ZNF536: variants seen among roughly 807,000 people sequenced by gnomAD.
ZNF536 encodes the protein zinc finger protein 536.
ZNF536 carries 13 observed loss-of-function variants against 84.5 expected under a neutral mutation model. That is an observed-to-expected ratio of 0.15 (90% confidence interval 0.10 to 0.24). The LOEUF (loss-of-function observed/expected upper bound fraction) is 0.24. Among genes scored for constraint, ZNF536 ranks in the 10% least tolerant of loss-of-function variants. The pLI, the probability that ZNF536 is intolerant of heterozygous loss-of-function variation, is 1.00. For missense variants in ZNF536, 1,536 were observed against 1,747.5 expected, an observed-to-expected ratio of 0.88 and a Z score of 2.16; for synonymous variants, 811 against 742.5, an observed-to-expected ratio of 1.09 and a Z score of -1.50.
intron 1 of ZNF536, among the ~76,000 whole-genome samples, chr19:30,597,345 A>C (rs919706096): frequency 1.3e-5 from 2 of 152,256 alleles, no homozygotes; most frequent in Non-Finnish European, 2.9e-5. Flanking sequence ...GCAAACAGAC[A>C]GATGGCCTGA....
Position 30,597,424 on chromosome 19 carries a change from G to A in ZNF536, c.169+47910G>A, listed in dbSNP as rs545792807. Among the ~76,000 whole-genome samples the A allele has an allele frequency of 1.2e-4, 19 of 152,340 alleles. No individual in the cohort carries two copies. In the South Asian group the frequency reaches 3.3e-3, roughly 27 times the overall value. On this transcript the variant is annotated intron_variant, in intron 1 of 1. Coordinates refer to the ZNF536 transcript ENST00000592773. ...AGCACCCACCTGGCAGGGTTAGCCC[G>A]AGAAGTGAATGGGCTTCTATGGGCT...
At position 30,548,979 on chromosome 19, in the gene ZNF536, C is replaced by T. The variant is rs1458943630; in HGVS notation, c.3360C>T (p.Gly1120=). 1 of 1,614,142 alleles carries T rather than the reference C, an allele frequency of 6.2e-7. No individual in the cohort carries two copies. Among genetic ancestry groups the T allele is most frequent in the Admixed American group, 1.7e-5 (1 of 60,032 alleles). The change falls in exon 4 of 5, where the codon GGC becomes GGT. Residue 1120 remains glycine (G), a synonymous_variant. Coordinates refer to ENST00000355537, the MANE Select transcript of ZNF536 (RefSeq NM_014717.3). ...DFYKQFGVYP[G]MVGSGASSSC... ...ACAAGCAGTTTGGTGTTTACCCAGG[C>T]ATGGTTGGCTCAGGGGCCTCCAGTT...
At chr19:30,278,214 G>A (rs926940840) in intron 1 of ZNF536, among the ~76,000 whole-genome samples, 1 of 152,320 alleles carries the variant, frequency 6.6e-6, no homozygotes. Context: ...GGCAGAAGGC[G>A]AGAGGGGAGA....
chr19:30,590,511 T>C (rs2047240594), intron 1 of ZNF536, among the ~76,000 whole-genome samples: 1 of 152,228 alleles, frequency 6.6e-6, no homozygotes, highest in African/African-American at 2.4e-5. Flanking sequence ...AGAGCTTCTT[T>C]CTTTGTGTTT....
At chr19:30,712,340 T>G (rs1311158811) in exon 2 of ZNF536, 1 of 152,066 alleles carries the variant, frequency 6.6e-6, no homozygotes, top group Non-Finnish European at 1.5e-5. Flanking sequence ...ACATACTTCC[T>G]TTGAGTGACA....
chr19:30,595,713 A>G (rs2047439637), intron 1 of ZNF536, among the ~76,000 whole-genome samples: 1 of 152,110 alleles, frequency 6.6e-6, no homozygotes, highest in Admixed American at 6.5e-5. Flanking sequence ...CAAGACCCCA[A>G]CTCTGTAGGG....
In ZNF536 at chr19:30,513,347, C is replaced by T. The variant is rs1208491916; in HGVS notation, c.2171-21500C>T. On this transcript the variant is annotated intron_variant, in intron 2 of 4. Coordinates refer to ENST00000355537, the MANE Select transcript of ZNF536 (RefSeq NM_014717.3). ...CAGCGCCTAGGTTCTTGGAGTTGCG[C>T]TTAGGAGTCCTACATCCCAGGTGCA... 2.0e-5 allele frequency among the ~76,000 whole-genome samples: 3 copies of T among 152,136 alleles called. No homozygotes were observed. The East Asian group carries it at 5.8e-4, about 29-fold the overall frequency.
downstream of ZNF536, among the ~76,000 whole-genome samples, chr19:30,562,340 G>A (rs185945381): frequency 1.3e-4 from 20 of 152,254 alleles, no homozygotes; most frequent in East Asian, 3.7e-3. Flanking sequence ...ATTTGGGCAA[G>A]GCCATCTGCC....
intron 1 of ZNF536, among the ~76,000 whole-genome samples, chr19:30,406,615 T>C (rs1196033622): frequency 1.3e-5 from 2 of 152,110 alleles, no homozygotes; most frequent in Non-Finnish European, 1.5e-5. Context: ...CCCAGCTCTG[T>C]TTCTACACTG....
chr19:30,654,341 A>C (rs79397576), intron 1 of ZNF536, among the ~76,000 whole-genome samples: 2,897 of 152,206 alleles, frequency 0.019, 88 homozygotes, highest in African/African-American at 0.066. Context: ...TTAGTGCATG[A>C]AATCATCTGA....
chr19:30,370,820 G>A (rs746456750), upstream of ZNF536, among the ~76,000 whole-genome samples: 1 of 152,194 alleles, frequency 6.6e-6, no homozygotes. Flanking sequence ...CGTATTTTTG[G>A]AAGTGTTTGT....
intron 1 of ZNF536, among the ~76,000 whole-genome samples, chr19:30,566,509 C>T (rs749950427): frequency 1.3e-5 from 2 of 152,248 alleles, no homozygotes; most frequent in Non-Finnish European, 2.9e-5. Context: ...TTATTATTCT[C>T]ATTTTAAGTA....
chr19:30,549,580 A>G, intron 4 of ZNF536, 66 bp downstream of exon 4: 7 of 1,419,056 alleles, frequency 4.9e-6, no homozygotes, highest in Non-Finnish European at 6.5e-6. Flanking sequence ...TGTGCATTTA[A>G]AAAAATGAGG....
intron 1 of ZNF536, among the ~76,000 whole-genome samples, chr19:30,691,867 G>A (rs148203551): frequency 6.6e-6 from 1 of 152,354 alleles, no homozygotes; most frequent in Non-Finnish European, 1.5e-5. Context: ...GGATTCGGAA[G>A]CACAGAGGGA....
In ZNF536 at chr19:30,445,062, C is replaced by T. The variant is rs1368503479; in HGVS notation, c.1500C>T (p.Ser500=). 6.2e-7 allele frequency: 1 copy of T among 1,613,716 alleles called. No individual in the cohort carries two copies. Among genetic ancestry groups the T allele is most frequent in the African/African-American group, 1.3e-5 (1 of 75,076 alleles). Residue 500 remains serine (S), a synonymous_variant, in exon 2 of 5, where the codon TCC becomes TCT. Transcript: ENST00000355537. The surrounding 1 kb of genome is among the most constrained non-coding windows in gnomAD (Gnocchi z 4.5). ...GCLNLVPPLK[S]SCIERLQAAA... is the part of the protein sequence containing the mutation. ...TCAATCTCGTGCCGCCGCTGAAATC[C>T]AGCTGCATCGAGCGGCTGCAGGCGG...
chr19:30,520,975 T>C (rs1214196718), intron 2 of ZNF536, among the ~76,000 whole-genome samples: 1 of 152,238 alleles, frequency 6.6e-6, no homozygotes, highest in Non-Finnish European at 1.5e-5. Flanking sequence ...TTCCCCACTC[T>C]GCCACGCAGG....
chr19:30,406,673 G>A (rs1472480048), intron 1 of ZNF536, among the ~76,000 whole-genome samples: 1 of 152,122 alleles, frequency 6.6e-6, no homozygotes, highest in Non-Finnish European at 1.5e-5. Context: ...CAACGTGCCG[G>A]GGCTGGCACA....
intron 2 of ZNF536, among the ~76,000 whole-genome samples, chr19:30,284,561 T>A (rs2045565007): frequency 6.6e-6 from 1 of 152,194 alleles, no homozygotes; most frequent in Non-Finnish European, 1.5e-5. Flanking sequence ...CTTGGACAAA[T>A]CCTGTCCCAA....
chr19:30,359,641 G>A lies in ZNF536; in HGVS notation c.-3+7157G>A, dbSNP rs535864275. ...ACCCATCCTATCAATGTCGGCAGTG[G>A]GGATGAGGGAGGGGATGGCCAAGTT... On this transcript the variant is annotated intron_variant, in intron 3 of 5. Transcript: ENST00000585628. Among the ~76,000 whole-genome samples, 9 of 152,208 alleles carry A rather than the reference G, an allele frequency of 5.9e-5. No homozygotes were observed. In the South Asian group the frequency reaches 1.9e-3, roughly 32 times the overall value.
Sources: gnomAD v4.1 joint callset for allele counts (sites outside exome capture counted in the v4.1 genomes callset) on GRCh38, gnomAD v4.1.1 for gene constraint, Gnocchi (gnomAD v3.1) non-coding constraint, MANE v1.5 for transcripts, NCBI Gene and HGNC (gene_info 2026-07-23, HGNC 2026-07-21) for gene names.